Variants in MAGI2 observed in about 807,000 individuals in gnomAD.
MAGI2 encodes membrane associated guanylate kinase, WW and PDZ domain containing 2.
Under a neutral mutation model 133.3 loss-of-function variants are expected in MAGI2, and 35 were observed. The observed-to-expected ratio is 0.26, with a 90% CI of 0.20 to 0.35. MAGI2 has a LOEUF of 0.35. Ranked by LOEUF, MAGI2 falls within the 10% of genes least tolerant of loss-of-function variation. The pLI is 1.00. For synonymous variants in MAGI2, 729 were observed against 710.6 expected, an observed-to-expected ratio of 1.03 and a Z score of -0.41; for missense variants, 1,636 against 1,863.4, an observed-to-expected ratio of 0.88 and a Z score of 2.25.
chr7:78,833,342 C>T (rs1791351906), intron 2 of MAGI2, among the ~76,000 whole-genome samples: 1 of 152,116 alleles, frequency 6.6e-6, no homozygotes, highest in Non-Finnish European at 1.5e-5. Flanking sequence ...CTAAACTATC[C>T]CTGCCCTCAC....
At chr7:78,522,455 T>C (rs1336071481) in intron 3 of MAGI2, among the ~76,000 whole-genome samples, 2 of 152,182 alleles carry the variant, frequency 1.3e-5, no homozygotes, top group Non-Finnish European at 2.9e-5. Flanking sequence ...CTTGGCGGAC[T>C]GATACCTCCG....
chr7:78,535,130 T>A (rs1797779678), intron 3 of MAGI2, among the ~76,000 whole-genome samples: 1 of 151,324 alleles, frequency 6.6e-6, no homozygotes. Context: ...AGACTCCATC[T>A]CAAAAAAGAA....
At chr7:78,564,765 T>A (rs1042182129) in intron 3 of MAGI2, among the ~76,000 whole-genome samples, 18 of 147,434 alleles carry the variant, frequency 1.2e-4, no homozygotes, top group Admixed American at 8.8e-4. Flanking sequence ...AGTTACTTCA[T>A]CTCATCTCTT....
At chr7:78,425,414 C>T (rs1301914516) in intron 6 of MAGI2, among the ~76,000 whole-genome samples, 1 of 152,098 alleles carries the variant, frequency 6.6e-6, no homozygotes, top group Non-Finnish European at 1.5e-5. Flanking sequence ...CAGACTAATA[C>T]AGTTCAGTTC....
chr7:79,021,834 G>C (rs1809357764), intron 1 of MAGI2, among the ~76,000 whole-genome samples: 1 of 106,990 alleles, frequency 9.3e-6, no homozygotes, highest in Non-Finnish European at 2.1e-5. Context: ...GGAATGATAT[G>C]GCTGCGTCTT....
chr7:78,977,084 A>T (rs1372397821), intron 2 of MAGI2, among the ~76,000 whole-genome samples: 3 of 151,712 alleles, frequency 2.0e-5, no homozygotes, highest in Non-Finnish European at 3.0e-5. Context: ...AGATATTAAG[A>T]AAATGTTTCT....
intron 2 of MAGI2, among the ~76,000 whole-genome samples, chr7:78,955,723 C>CTCAT (rs1802267349): frequency 1.2e-5 from 1 of 83,434 alleles, no homozygotes; most frequent in Non-Finnish European, 2.4e-5. Flanking sequence ...TTCTTTCTTT[C>CTCAT]TCTTTCTTTC....
intron 3 of MAGI2, among the ~76,000 whole-genome samples, chr7:78,599,761 A>G (rs1271060508): frequency 6.6e-6 from 1 of 152,140 alleles, no homozygotes; most frequent in Non-Finnish European, 1.5e-5. Flanking sequence ...TGGTATCTTG[A>G]GTCCTTCCCC....
At chr7:79,058,989 T>G (rs113199308) in intron 1 of MAGI2, among the ~76,000 whole-genome samples, 1 of 152,036 alleles carries the variant, frequency 6.6e-6, no homozygotes, top group Non-Finnish European at 1.5e-5. Context: ...GCATACTCAG[T>G]ATAGTAAGTA....
intron 1 of MAGI2, among the ~76,000 whole-genome samples, chr7:79,213,295 CG>C (rs1563001647): frequency 6.8e-6 from 1 of 147,232 alleles, no homozygotes; most frequent in Admixed American, 6.8e-5. Context: ...TGTGGGTGTA[CG>C]TGTGTGTATT....
At chr7:78,418,053 C>T (rs1228802687) in intron 6 of MAGI2, among the ~76,000 whole-genome samples, 4 of 152,100 alleles carry the variant, frequency 2.6e-5, no homozygotes, top group African/African-American at 9.7e-5. Flanking sequence ...TTTATCATGT[C>T]TGCCAAGGGA....
intron 7 of MAGI2, chr7:78,350,071 G>A (rs17347135): frequency 0.18 from 27,819 of 152,100 alleles, 2,717 homozygotes; most frequent in African/African-American, 0.24. Flanking sequence ...AGCTAAAAGC[G>A]TAAGAGTCAT....
At chr7:79,287,342 C>A (rs1836091955) in intron 1 of MAGI2, among the ~76,000 whole-genome samples, 2 of 152,010 alleles carry the variant, frequency 1.3e-5, no homozygotes, top group African/African-American at 2.4e-5. Flanking sequence ...TTATTATATT[C>A]ATATTCACTA....
intron 2 of MAGI2, among the ~76,000 whole-genome samples, chr7:78,740,034 G>A (rs999085164): frequency 4.6e-5 from 7 of 152,112 alleles, no homozygotes; most frequent in South Asian, 2.1e-4. Context: ...GGTGGCGGGC[G>A]CCTGTAGTCC....
At chr7:78,901,985 A>T (rs1489001164) in intron 2 of MAGI2, among the ~76,000 whole-genome samples, 1 of 152,196 alleles carries the variant, frequency 6.6e-6, no homozygotes, top group East Asian at 1.9e-4. Flanking sequence ...CAATGAAATG[A>T]TCTAACCAAA....
intron 10 of MAGI2, among the ~76,000 whole-genome samples, chr7:78,235,174 T>C (rs1329070194): frequency 1.3e-5 from 2 of 152,198 alleles, no homozygotes; most frequent in African/African-American, 4.8e-5. Context: ...ACCATCCTCC[T>C]GTAGCTTTAG....
intron 9 of MAGI2, among the ~76,000 whole-genome samples, chr7:78,305,509 A>G (rs1214144024): frequency 6.6e-6 from 1 of 152,152 alleles, no homozygotes; most frequent in African/African-American, 2.4e-5. Flanking sequence ...TTGCTTTAAG[A>G]TTTACCATAC....
At chr7:79,424,126 A>C (rs2129181595) in intron 1 of MAGI2, among the ~76,000 whole-genome samples, 1 of 152,184 alleles carries the variant, frequency 6.6e-6, no homozygotes, top group Admixed American at 6.5e-5. Flanking sequence ...CACACAAATA[A>C]TCTGAGGCCA....
intron 6 of MAGI2, among the ~76,000 whole-genome samples, chr7:78,439,866 C>G (rs1378745675): frequency 6.6e-6 from 1 of 152,132 alleles, no homozygotes; most frequent in Non-Finnish European, 1.5e-5. Flanking sequence ...GTGTCATAAT[C>G]TCTGTGGCTG....
Sources: gnomAD v4.1 joint callset for allele counts (sites outside exome capture counted in the v4.1 genomes callset) on GRCh38, gnomAD v4.1.1 for gene constraint, MANE v1.5 for transcripts, NCBI Gene and HGNC (gene_info 2026-07-23, HGNC 2026-07-21) for gene names.